The following GNB1L variants were observed in gnomAD, a reference collection of about 807,000 sequenced individuals.
The protein encoded by GNB1L is G protein subunit beta 1 like.
A neutral mutation model predicts 29.1 loss-of-function variants in GNB1L; 20 were observed. The observed-to-expected ratio is 0.69, with a 90% CI of 0.48 to 1.00. GNB1L has a LOEUF of 1.00. GNB1L is among the 50% of genes least tolerant of loss of function. The probability of loss-of-function intolerance (pLI) is 0.00; values close to 1 mark genes in which losing one functional copy is unlikely to be tolerated. For missense variants in GNB1L, 421 were observed against 464.9 expected, an observed-to-expected ratio of 0.91 and a Z score of 0.87; for synonymous variants, 193 against 206.5, an observed-to-expected ratio of 0.93 and a Z score of 0.56.
At chr22:19,817,546 C>T (rs1457808719) in intron 4 of GNB1L, among the ~76,000 whole-genome samples, 3 of 152,188 alleles carry the variant, frequency 2.0e-5, no homozygotes, top group South Asian at 2.1e-4. Flanking sequence ...ATGCAACACA[C>T]GGAGCTCACG....
intron 2 of GNB1L, chr22:19,851,132 C>T (rs745883853): frequency 3.2e-5 from 50 of 1,547,064 alleles, no homozygotes; most frequent in South Asian, 3.7e-5. Flanking sequence ...GCCACTTCAT[C>T]ATGAGGGGCA....
At chr22:19,836,777 A>C (rs1937771062) in intron 2 of GNB1L, among the ~76,000 whole-genome samples, 1 of 152,228 alleles carries the variant, frequency 6.6e-6, no homozygotes, top group African/African-American at 2.4e-5. Flanking sequence ...TTCAAAAATC[A>C]TTCAATGTAA....
intron 2 of GNB1L, among the ~76,000 whole-genome samples, chr22:19,840,503 C>A (rs1937841364): frequency 6.6e-6 from 1 of 152,204 alleles, no homozygotes; most frequent in South Asian, 2.1e-4. Context: ...ACACGTCCCA[C>A]TGACATGATA....
At chr22:19,830,413 T>C (rs1937663129) in intron 2 of GNB1L, among the ~76,000 whole-genome samples, 1 of 151,952 alleles carries the variant, frequency 6.6e-6, no homozygotes, top group African/African-American at 2.4e-5. Context: ...TGTACAAAAA[T>C]AATAACCAGT....
Position 19,820,667 on chromosome 22 carries a change from G to T in GNB1L, c.185C>A (p.Thr62Asn). Reference protein sequence around the residue: ...WSLQTRRAVTTLDGHGGQCVT... With the variant: ...WSLQTRRAVTNLDGHGGQCVT... ...ACACTGGCCGCCGTGGCCATCCAGG[G>T]TGGTAACCGCTCTCCGCGTCTGCAG... Residue 62 changes from threonine to asparagine, a missense_variant, in exon 4 of 8, where the codon ACC (threonine) becomes AAC (asparagine). Physicochemically the swap from Thr to Asn is moderately conservative, Grantham distance 65. Coordinates refer to ENST00000329517, the MANE Select transcript of GNB1L (RefSeq NM_053004.3). 1 of 1,613,586 alleles carries T rather than the reference G, an allele frequency of 6.2e-7. No individual in the cohort carries two copies. The highest frequency in any genetic ancestry group is 8.5e-7 in the Non-Finnish European group (1 of 1,179,918).
chr22:19,837,245 C>T (rs1185886081), intron 2 of GNB1L, among the ~76,000 whole-genome samples: 3 of 152,220 alleles, frequency 2.0e-5, no homozygotes, highest in Admixed American at 6.5e-5. Flanking sequence ...GGATTACAGG[C>T]GTGAGCCACC....
chr22:19,846,351 A>T, intron 2 of GNB1L: 4 of 893,108 alleles, frequency 4.5e-6, no homozygotes, highest in Non-Finnish European at 5.4e-6. Flanking sequence ...CCCCCCAGGT[A>T]GGGAAAGATT....
At chr22:19,801,877 G>T in intron 7 of GNB1L, 124 bp downstream of exon 7, 3 of 823,302 alleles carry the variant, frequency 3.6e-6, no homozygotes, top group Non-Finnish European at 5.6e-6. Flanking sequence ...CCCTGCACCC[G>T]CCTCCAAGTG....
intron 2 of GNB1L, among the ~76,000 whole-genome samples, chr22:19,824,111 A>C (rs543254512): frequency 1.3e-5 from 2 of 152,280 alleles, no homozygotes; most frequent in African/African-American, 4.8e-5. Flanking sequence ...TTGTTACAAC[A>C]ACCAAAATGC....
chr22:19,834,905 C>T (rs2145891959), intron 2 of GNB1L, among the ~76,000 whole-genome samples: 1 of 152,154 alleles, frequency 6.6e-6, no homozygotes, highest in East Asian at 1.9e-4. Context: ...TAAGACCCAA[C>T]TATAAGCTAT....
chr22:19,802,821 G>A (rs1287321128), intron 6 of GNB1L, among the ~76,000 whole-genome samples: 2 of 152,270 alleles, frequency 1.3e-5, no homozygotes, highest in Non-Finnish European at 2.9e-5. Flanking sequence ...CCGAGCTCTT[G>A]TGATGAATGA....
At chr22:19,854,039 C>A (rs902289481) in intron 2 of GNB1L, among the ~76,000 whole-genome samples, 2 of 152,208 alleles carry the variant, frequency 1.3e-5, no homozygotes, top group African/African-American at 4.8e-5. Context: ...CTTCCCTGCA[C>A]CAGCCAGCCA....
chr22:19,842,499 C>G (rs192662768), intron 2 of GNB1L, among the ~76,000 whole-genome samples: 1 of 152,222 alleles, frequency 6.6e-6, no homozygotes, highest in African/African-American at 2.4e-5. Flanking sequence ...CAGCCCAGGA[C>G]GGGGGTGGGA....
rs1003977444 is a variant in GNB1L, at chr22:19,786,839, C to T, written c.*1870G>A. On this transcript the variant is annotated 3_prime_UTR_variant, in exon 8 of 8. Transcript: ENST00000329517. ...CCAGGACCCTTCCCCTCCCTGACAC[C>T]TCAGTGATATGAAAATACCTCCCGG... The T allele has an allele frequency of 1.1e-4, 17 of 152,338 alleles. No homozygotes were observed. The highest frequency in any genetic ancestry group is 3.9e-4 in the African/African-American group (16 of 41,452). The allele number at this position is 152,338 out of a possible 1,614,324, so 9.4% of individuals were successfully genotyped here.
Position 19,788,535 on chromosome 22 carries a change from G to T in GNB1L, c.*174C>A. 1 of 873,266 alleles carries T rather than the reference G, an allele frequency of 1.1e-6. No individual in the cohort carries two copies. Among genetic ancestry groups the T allele is most frequent in the Non-Finnish European group, 1.9e-6 (1 of 516,544 alleles). 54.1% of individuals were successfully genotyped at this position (873,266 alleles called of 1,614,324 possible). ...CTGGCCCCCAGAGTCACCGTCCTGT[G>T]ATGAGGCACTCCACAAAAGGAAATA... is the stretch of plus-strand genomic sequence containing the variant. On this transcript the variant is annotated 3_prime_UTR_variant, in exon 8 of 8. Transcript: ENST00000329517.
At chr22:19,795,756 A>C (rs2145862845) in intron 7 of GNB1L, among the ~76,000 whole-genome samples, 1 of 152,360 alleles carries the variant, frequency 6.6e-6, no homozygotes, top group South Asian at 2.1e-4. Context: ...CCAGGCTGGG[A>C]GCTGAATTCT....
At chr22:19,848,714 C>A (rs185475604) in intron 2 of GNB1L, 5 of 985,358 alleles carry the variant, frequency 5.1e-6, no homozygotes, top group Non-Finnish European at 6.0e-6. Context: ...CTCAGACACA[C>A]GGCAGACCAT....
intron 2 of GNB1L, among the ~76,000 whole-genome samples, chr22:19,839,909 A>T (rs1937829453): frequency 6.7e-6 from 1 of 150,052 alleles, no homozygotes; most frequent in South Asian, 2.1e-4. Flanking sequence ...TAATAATAAT[A>T]ATAATAAGCC....
chr22:19,838,503 G>A lies in GNB1L; in HGVS notation c.-21+15940C>T, dbSNP rs571813772. ...TATTTTTTTTTTGAGACAGAGTCTC[G>A]CTCTGTTGCCAGGATGGAGTGCAGT... On this transcript the variant is annotated intron_variant, in intron 2 of 7. Transcript: ENST00000329517. Among the ~76,000 whole-genome samples the A allele has an allele frequency of 2.7e-5, 4 of 149,978 alleles. No homozygotes were observed. The East Asian group carries it at 5.9e-4, about 22-fold the overall frequency.
Sources: gnomAD v4.1 joint callset for allele counts (sites outside exome capture counted in the v4.1 genomes callset) on GRCh38, gnomAD v4.1.1 for gene constraint, MANE v1.5 for transcripts, NCBI Gene and HGNC (gene_info 2026-07-23, HGNC 2026-07-21) for gene names.